Variants in PTK7 observed in about 807,000 individuals in gnomAD.
PTK7 encodes protein tyrosine kinase 7 (inactive).
In PTK7, 39 loss-of-function variants were observed where a neutral mutation model predicts 116.6. The observed-to-expected ratio is 0.33, with a 90% CI of 0.26 to 0.44. The LOEUF (loss-of-function observed/expected upper bound fraction) is 0.44. Ranked by LOEUF, PTK7 falls within the 20% of genes least tolerant of loss-of-function variation. PTK7 has a pLI of 1.00. For missense variants in PTK7, 1,169 were observed against 1,425.6 expected, an observed-to-expected ratio of 0.82 and a Z score of 2.90; for synonymous variants, 546 against 563.6, an observed-to-expected ratio of 0.97 and a Z score of 0.44.
intron 1 of PTK7, chr6:43,077,109 G>A (rs1210747870): frequency 1.8e-6 from 2 of 1,130,202 alleles, no homozygotes; most frequent in Non-Finnish European, 1.1e-6. Context: ...GGGCAAAGCT[G>A]AGACCCCAGA....
chr6:43,159,211 T>A (rs1028759572), intron 18 of PTK7, among the ~76,000 whole-genome samples: 5 of 152,338 alleles, frequency 3.3e-5, no homozygotes, highest in East Asian at 1.9e-4. Flanking sequence ...AAACCTTTTT[T>A]AAAAAATAGG....
intron 1 of PTK7, among the ~76,000 whole-genome samples, chr6:43,095,606 A>G (rs888620424): frequency 6.6e-6 from 1 of 152,182 alleles, no homozygotes; most frequent in African/African-American, 2.4e-5. Flanking sequence ...CAGCCCCTCG[A>G]TTAAGGAATG....
At chr6:43,140,260 A>C (rs529968099) in intron 10 of PTK7, among the ~76,000 whole-genome samples, 1 of 152,244 alleles carries the variant, frequency 6.6e-6, no homozygotes, top group South Asian at 2.1e-4. Context: ...CATCCTGGCT[A>C]ACATAGAGTA....
intron 13 of PTK7, chr6:43,142,560 C>CCT (rs1770487090): frequency 3.5e-6 from 2 of 572,596 alleles, no homozygotes; most frequent in East Asian, 7.0e-5. Context: ...TACAATGCTG[C>CCT]CTCCCAGGTT....
intron 1 of PTK7, among the ~76,000 whole-genome samples, chr6:43,127,603 A>T (rs983538474): frequency 6.6e-6 from 1 of 152,180 alleles, no homozygotes; most frequent in African/African-American, 2.4e-5. Context: ...AGAGAAGCTG[A>T]CCTTGGCCAC....
At position 43,081,773 on chromosome 6, in the gene PTK7, TC is replaced by T. The variant is rs1438421754; in HGVS notation, c.79+5207del. On this transcript the variant is annotated intron_variant, in intron 1 of 19. Transcript: ENST00000230419. The stretch of plus-strand genomic sequence containing the variant: ...ACCATTTGGGTGCAGGGCAGAATGA[TC>T]AAGGGTGGAGTTAAATATCCCCTTG... Among the ~76,000 whole-genome samples the T allele has an allele frequency of 2.6e-5, 4 of 152,204 alleles. No individual in the cohort carries two copies. In the East Asian group the frequency reaches 7.7e-4, roughly 29 times the overall value.
intron 7 of PTK7, among the ~76,000 whole-genome samples, chr6:43,134,623 T>C (rs1170070470): frequency 6.6e-6 from 1 of 151,788 alleles, no homozygotes; most frequent in East Asian, 2.0e-4. Flanking sequence ...CTACTAAAAA[T>C]ACAAAAATTA....
At position 43,114,492 on chromosome 6, in the gene PTK7, G is replaced by A. The variant is rs902432072; in HGVS notation, c.80-14485G>A. Among the ~76,000 whole-genome samples the A allele has an allele frequency of 3.3e-5, 5 of 151,756 alleles. No individual in the cohort carries two copies. The East Asian group carries it at 9.7e-4, about 29-fold the overall frequency. On this transcript the variant is annotated intron_variant, in intron 1 of 19. Transcript: ENST00000230419. ...GTCTCTGTCTGTGTGTGACTTTGGA[G>A]GTCCGTAAGAGGTACCCCCTGGAAT...
chr6:43,124,782 G>A (rs1411893379), intron 1 of PTK7, among the ~76,000 whole-genome samples: 3 of 152,260 alleles, frequency 2.0e-5, no homozygotes, highest in Non-Finnish European at 4.4e-5. Flanking sequence ...CATGGGTGCC[G>A]CAGCACTGGG....
In PTK7 at chr6:43,145,432, G is replaced by T; in HGVS notation, c.2640G>T (p.Leu880=). 1 of 1,556,964 alleles carries T rather than the reference G, an allele frequency of 6.4e-7. No homozygotes were observed. The highest frequency in any genetic ancestry group is 8.7e-7 in the Non-Finnish European group (1 of 1,144,628). ...PHYMVLEYVD[L]GDLKQFLRIS... ...ACATGGTGCTGGAATATGTGGATCT[G>T]GTATGCTGTTGGCAGGGGACGTGGG... Residue 880 remains leucine (L), a splice_region_variant and synonymous_variant, in exon 16 of 20, where the codon CTG becomes CTT. Coordinates refer to ENST00000230419, the MANE Select transcript of PTK7 (RefSeq NM_002821.5). The surrounding 1 kb of genome is among the most constrained non-coding windows in gnomAD (Gnocchi z 4.8).
rs144855188 is a variant in PTK7 at position 43,132,538 on chromosome 6, G to A, written c.1079G>A (p.Gly360Glu). The A allele has an allele frequency of 4.4e-5, 71 of 1,613,532 alleles. No homozygotes were observed. The highest frequency in any genetic ancestry group is 8.3e-5 in the Admixed American group (5 of 60,014). ...CCCAGCGTGTGGTGGGAGCACGCGG[G>A]AGTCCGGCTGCCCACCCATGGCAGG... ...PEPSVWWEHA[G>E]VRLPTHGRVY... The change falls in exon 7 of 20, where the codon GGA becomes GAA. Residue 360 changes from glycine (G) to glutamate (E), a missense_variant. This residue lies in a region of PTK7 where 487 missense variants were observed against 549.8 expected (regional missense o/e 0.89). Transcript: ENST00000230419.
intron 1 of PTK7, among the ~76,000 whole-genome samples, chr6:43,127,095 C>T (rs1380506271): frequency 6.6e-6 from 1 of 152,230 alleles, no homozygotes; most frequent in Non-Finnish European, 1.5e-5. Flanking sequence ...AACAGAACCC[C>T]ACCTCCAGGG....
chr6:43,143,533 C>G lies in PTK7; in HGVS notation c.2164C>G (p.Leu722Val). 6.2e-7 allele frequency: 1 copy of G among 1,614,146 alleles called. No individual in the cohort carries two copies. Among genetic ancestry groups the G allele is most frequent in the Non-Finnish European group, 8.5e-7 (1 of 1,180,046 alleles). Reference protein sequence around the residue: ...AVAYIIAVLGLMFYCKKRCKA... With the variant: ...AVAYIIAVLGVMFYCKKRCKA... The stretch of plus-strand genomic sequence containing the variant: ...GGCCTACATCATTGCCGTGCTGGGC[C>G]TCATGTTCTACTGCAAGAAGCGCTG... The change falls in exon 14 of 20, where the codon CTC (leucine) becomes GTC (valine). Residue 722 changes from leucine to valine, a missense_variant. Leu to Val is a conservative substitution (Grantham distance 32). Transcript: ENST00000230419. The surrounding 1 kb of genome is among the most constrained non-coding windows in gnomAD (Gnocchi z 4.2).
Position 43,076,964 on chromosome 6 carries a change from C to T in PTK7, c.79+397C>T. On this transcript the variant is annotated intron_variant, in intron 1 of 19. Coordinates refer to ENST00000230419, the MANE Select transcript of PTK7 (RefSeq NM_002821.5). The surrounding 1 kb of genome is among the most constrained non-coding windows in gnomAD (Gnocchi z 5.7). ...CGATGGAGAAAAAGGAATTCCCCAC[C>T]CCACCCGGCAGGGTCGGCCCAGGTA... is the stretch of plus-strand genomic sequence containing the variant. 6.6e-7 allele frequency: 1 copy of T among 1,511,060 alleles called. No individual in the cohort carries two copies. The highest frequency in any genetic ancestry group is 8.9e-7 in the Non-Finnish European group (1 of 1,129,394). 93.6% of individuals were successfully genotyped at this position (1,511,060 alleles called of 1,614,324 possible).
rs181553726 is a variant in PTK7 at position 43,103,434 on chromosome 6, A to G, written c.80-25543A>G. Among the ~76,000 whole-genome samples, 105 of 151,294 alleles carry G rather than the reference A, an allele frequency of 6.9e-4. 2 individuals carry two copies. The highest frequency in any genetic ancestry group is 2.6e-3 in the Admixed American group (40 of 15,154). On this transcript the variant is annotated intron_variant, in intron 1 of 19. Transcript: ENST00000230419. ...AGTTAGGCAGACTTACTCCCTTGTC[A>G]TAGCAGTGCTGGAGTATTACAGGTG...
intron 1 of PTK7, among the ~76,000 whole-genome samples, chr6:43,084,378 A>G (rs1561931386): frequency 6.6e-6 from 1 of 152,166 alleles, no homozygotes; most frequent in Non-Finnish European, 1.5e-5. Flanking sequence ...CCTGGGCTCA[A>G]GCTATCCTTC....
chr6:43,130,767 T>C, intron 5 of PTK7, 106 bp downstream of exon 5: 4 of 1,425,332 alleles, frequency 2.8e-6, no homozygotes, highest in Non-Finnish European at 3.8e-6. Context: ...GTACATGTAT[T>C]ATTTCAAATT....
chr6:43,096,276 A>C (rs1357087049), intron 1 of PTK7, among the ~76,000 whole-genome samples: 3 of 152,204 alleles, frequency 2.0e-5, no homozygotes, highest in Non-Finnish European at 4.4e-5. Flanking sequence ...CAGACTCCTG[A>C]AAAACTGCTT....
At position 43,145,077 on chromosome 6, in the gene PTK7, C is replaced by T. The variant is rs1033154713; in HGVS notation, c.2408-123C>T. 1.4e-5 allele frequency: 11 copies of T among 765,924 alleles called. No individual in the cohort carries two copies. The highest frequency in any genetic ancestry group is 8.7e-5 in the African/African-American group (5 of 57,718). The allele number at this position is 765,924 out of a possible 1,614,324, so 47.4% of individuals were successfully genotyped here. On this transcript the variant is annotated intron_variant, in intron 15 of 19. Coordinates refer to ENST00000230419, the MANE Select transcript of PTK7 (RefSeq NM_002821.5). This position sits in a 1 kb window ranked among gnomAD's most constrained non-coding sequence, Gnocchi z 4.8. ...AGGAGGGAGGGGGTCACAGCAGAAC[C>T]GGGTCTCGTGCCCAGCCCAGGTGGG...
Sources: gnomAD v4.1 joint callset for allele counts (sites outside exome capture counted in the v4.1 genomes callset) on GRCh38, gnomAD v4.1.1 for gene constraint, gnomAD v4.1.1 regional missense constraint, Gnocchi (gnomAD v3.1) non-coding constraint, MANE v1.5 for transcripts, NCBI Gene and HGNC (gene_info 2026-07-23, HGNC 2026-07-21) for gene names.